ZBTB20: variants seen among roughly 807,000 people sequenced by gnomAD.
ZBTB20 encodes the protein zinc finger and BTB domain containing 20.
In ZBTB20, 9 loss-of-function variants were observed where a neutral mutation model predicts 56.9. The observed-to-expected ratio is 0.16, with a 90% CI of 0.10 to 0.28. ZBTB20 has a LOEUF of 0.28. Among genes scored for constraint, ZBTB20 ranks in the 10% least tolerant of loss-of-function variants. The probability of loss-of-function intolerance (pLI) is 1.00; values close to 1 mark genes in which losing one functional copy is unlikely to be tolerated. For missense variants in ZBTB20, 655 were observed against 1,003.0 expected, an observed-to-expected ratio of 0.65 and a Z score of 4.69; for synonymous variants, 417 against 420.7, an observed-to-expected ratio of 0.99 and a Z score of 0.11.
At position 114,761,632 on chromosome 3, in the gene ZBTB20, C is replaced by T. The variant is rs375502409; in HGVS notation, c.-343+39469G>A. 4.6e-5 allele frequency among the ~76,000 whole-genome samples: 7 copies of T among 151,914 alleles called. No individual in the cohort carries two copies. The East Asian group carries it at 7.7e-4, about 17-fold the overall frequency. On this transcript the variant is annotated intron_variant, in intron 5 of 11. Coordinates refer to ENST00000675478, the MANE Select transcript of ZBTB20 (RefSeq NM_001348800.3). ...GGTGGATCACCTGAAGTCAGGAGTT[C>T]GAGACCAGCCTGGCCAACATGGTGA...
chr3:114,841,404 A>G (rs2108999261), intron 4 of ZBTB20, among the ~76,000 whole-genome samples: 1 of 152,304 alleles, frequency 6.6e-6, no homozygotes, highest in South Asian at 2.1e-4. Flanking sequence ...AGAGCATAGA[A>G]TGCTAGGGGG....
At chr3:114,615,204 T>G (rs2057848132) in intron 6 of ZBTB20, among the ~76,000 whole-genome samples, 1 of 152,324 alleles carries the variant, frequency 6.6e-6, no homozygotes, top group South Asian at 2.1e-4. Flanking sequence ...AAGTATCACT[T>G]AATAAATACT....
intron 6 of ZBTB20, among the ~76,000 whole-genome samples, chr3:114,573,828 A>G (rs1453188417): frequency 6.6e-6 from 1 of 152,114 alleles, no homozygotes; most frequent in Non-Finnish European, 1.5e-5. Context: ...CAGTGTTTAG[A>G]TTATTTACTG....
rs1299017782 is a variant in ZBTB20 at position 114,332,204 on chromosome 3, G to A, written c.*6801C>T. 1 of 151,934 alleles carries A rather than the reference G, an allele frequency of 6.6e-6. No homozygotes were observed. Among genetic ancestry groups the A allele is most frequent in the African/African-American group, 2.4e-5 (1 of 41,360 alleles). The allele number at this position is 151,934 out of a possible 1,614,324, so 9.4% of individuals were successfully genotyped here. ...GGCATCCCAGAAGCCTGGACTCTCA[G>A]GACTGTGGCTAGATTTTGCCCATGA... is the stretch of plus-strand genomic sequence containing the variant. On this transcript the variant is annotated 3_prime_UTR_variant, in exon 12 of 12. Transcript: ENST00000675478.
intron 3 of ZBTB20, among the ~76,000 whole-genome samples, chr3:114,925,487 T>C (rs570256931): frequency 4.6e-5 from 7 of 152,182 alleles, no homozygotes; most frequent in Admixed American, 3.9e-4. Context: ...TTTTACTGGG[T>C]TGAAGTAATT....
intron 6 of ZBTB20, among the ~76,000 whole-genome samples, chr3:114,620,921 A>C (rs540330015): frequency 6.6e-6 from 1 of 152,322 alleles, no homozygotes; most frequent in African/African-American, 2.4e-5. Context: ...GATTTGGCTG[A>C]TCTTGAAAAG....
intron 11 of ZBTB20, among the ~76,000 whole-genome samples, chr3:114,347,221 A>G (rs2080268939): frequency 6.6e-6 from 1 of 150,494 alleles, no homozygotes; most frequent in Admixed American, 6.7e-5. Context: ...CACAATTTAT[A>G]TCTGCAGTTG....
intron 6 of ZBTB20, among the ~76,000 whole-genome samples, chr3:114,641,975 T>C (rs192597828): frequency 1.3e-5 from 2 of 152,148 alleles, no homozygotes; most frequent in African/African-American, 4.8e-5. Flanking sequence ...GCTAATCCTG[T>C]TATGCATGCC....
chr3:114,328,067 G>A lies in ZBTB20; in HGVS notation c.*10938C>T, dbSNP rs1379608032. ...TTAGGTGCTGGGGAGTGCACTGCAT[G>A]GCTCTTTAGGTATCCATTTAGCTCT... On this transcript the variant is annotated 3_prime_UTR_variant, in exon 12 of 12. Transcript: ENST00000675478. 1 of 152,054 alleles carries A rather than the reference G, an allele frequency of 6.6e-6. No individual in the cohort carries two copies. Among genetic ancestry groups the A allele is most frequent in the Non-Finnish European group, 1.5e-5 (1 of 68,006 alleles). The allele number at this position is 152,054 out of a possible 1,614,324, so 9.4% of individuals were successfully genotyped here.
chr3:114,895,591 C>A (rs1283260182), intron 4 of ZBTB20, among the ~76,000 whole-genome samples: 1 of 152,080 alleles, frequency 6.6e-6, no homozygotes, highest in Non-Finnish European at 1.5e-5. Context: ...ACAGATATCA[C>A]AAGAGCCATA....
chr3:114,487,816 T>C (rs1290737644), intron 7 of ZBTB20, among the ~76,000 whole-genome samples: 1 of 152,162 alleles, frequency 6.6e-6, no homozygotes, highest in African/African-American at 2.4e-5. Flanking sequence ...TATGTAGTAA[T>C]ACACATGGGA....
chr3:114,809,222 T>C (rs948400449), intron 4 of ZBTB20, among the ~76,000 whole-genome samples: 4 of 152,054 alleles, frequency 2.6e-5, no homozygotes, highest in African/African-American at 4.8e-5. Context: ...ATGTTATTCA[T>C]CACATTTGGG....
At chr3:114,938,149 G>T (rs533921482) in intron 3 of ZBTB20, among the ~76,000 whole-genome samples, 1 of 130,714 alleles carries the variant, frequency 7.7e-6, no homozygotes, top group East Asian at 1.9e-4. Flanking sequence ...AAATATTTAA[G>T]TTCCTTATAG....
intron 6 of ZBTB20, among the ~76,000 whole-genome samples, chr3:114,545,484 G>A (rs1318555669): frequency 1.2e-4 from 19 of 152,106 alleles, no homozygotes; most frequent in Admixed American, 1.2e-3. Flanking sequence ...ACTTACTAGT[G>A]GTACACCATT....
chr3:114,492,410 A>C (rs1391922539), intron 7 of ZBTB20, among the ~76,000 whole-genome samples: 1 of 152,216 alleles, frequency 6.6e-6, no homozygotes, highest in African/African-American at 2.4e-5. Context: ...GTTTCATGTA[A>C]CTGTGAATGG....
chr3:114,357,514 A>T (rs888937005), intron 10 of ZBTB20, among the ~76,000 whole-genome samples: 11 of 152,216 alleles, frequency 7.2e-5, no homozygotes, highest in African/African-American at 2.7e-4. Context: ...CATTCATAGA[A>T]CATTTCTAGA....
At chr3:115,047,646 T>C (rs2108420840) in intron 2 of ZBTB20, among the ~76,000 whole-genome samples, 1 of 152,358 alleles carries the variant, frequency 6.6e-6, no homozygotes. Flanking sequence ...ATTTAATAAA[T>C]GTAAACAATC....
intron 1 of ZBTB20, among the ~76,000 whole-genome samples, chr3:115,122,690 T>C (rs2084217590): frequency 6.6e-6 from 1 of 152,094 alleles, no homozygotes; most frequent in South Asian, 2.1e-4. Context: ...ATTAATCCTA[T>C]TCTTCATCTT....
At chr3:114,705,866 A>T (rs2063690667) in intron 5 of ZBTB20, among the ~76,000 whole-genome samples, 2 of 152,330 alleles carry the variant, frequency 1.3e-5, no homozygotes, top group East Asian at 3.9e-4. Context: ...AACAGAAATT[A>T]TACTGATCCA....
Sources: allele counts gnomAD v4.1 joint callset (sites outside exome capture counted in the v4.1 genomes callset), GRCh38; gene constraint gnomAD v4.1.1; transcripts MANE v1.5; gene names NCBI Gene and HGNC (gene_info 2026-07-23, HGNC 2026-07-21).